The following OPRM1 variants were observed in gnomAD, a reference collection of about 807,000 sequenced individuals.
OPRM1 encodes opioid receptor mu 1.
Under a neutral mutation model 31.8 loss-of-function variants are expected in OPRM1, and 27 were observed. That is an observed-to-expected ratio of 0.85 (90% confidence interval 0.63 to 1.17). The LOEUF is 1.17. Ranked by LOEUF, OPRM1 falls within the 50% of genes most tolerant of loss-of-function variation. OPRM1 has a pLI of 0.00. For synonymous variants in OPRM1, 196 were observed against 189.9 expected (o/e 1.03, Z -0.26); for missense variants, 536 against 511.1 (o/e 1.05, Z -0.47).
chr6:154,017,603 G>C (rs1264562188), intron 1 of OPRM1, among the ~76,000 whole-genome samples: 1 of 152,106 alleles, frequency 6.6e-6, no homozygotes, highest in Non-Finnish European at 1.5e-5. Flanking sequence ...CTGTCTGGCA[G>C]ACAGTCAAGA....
chr6:154,110,307 C>G, intron 3 of OPRM1: 4 of 926,990 alleles, frequency 4.3e-6, no homozygotes, highest in Non-Finnish European at 6.9e-6. Context: ...TAAGAATAAG[C>G]ATTATAATTG....
At chr6:154,237,451 C>T (rs965305626) in intron 3 of OPRM1, among the ~76,000 whole-genome samples, 3 of 152,222 alleles carry the variant, frequency 2.0e-5, no homozygotes, top group African/African-American at 7.2e-5. Flanking sequence ...TTCCTGGTAT[C>T]TGAAAATTCC....
intron 3 of OPRM1, among the ~76,000 whole-genome samples, chr6:154,110,685 G>A (rs953584262): frequency 3.4e-4 from 51 of 151,994 alleles, no homozygotes; most frequent in Admixed American, 3.0e-3. Context: ...TCAGGAAATC[G>A]AGATCATCCT....
intron 3 of OPRM1, among the ~76,000 whole-genome samples, chr6:154,099,612 T>C: frequency 6.7e-6 from 1 of 148,572 alleles, no homozygotes; most frequent in South Asian, 2.1e-4. Flanking sequence ...ATAAAATCTC[T>C]TAAATAAAGA....
At chr6:154,239,581 T>A (rs1696988284) in intron 3 of OPRM1, among the ~76,000 whole-genome samples, 1 of 152,250 alleles carries the variant, frequency 6.6e-6, no homozygotes, top group South Asian at 2.1e-4. Flanking sequence ...ATGTCACGTT[T>A]TGCCCTGTCC....
chr6:154,199,219 A>G (rs1776880449), intron 3 of OPRM1, among the ~76,000 whole-genome samples: 1 of 152,256 alleles, frequency 6.6e-6, no homozygotes, highest in Non-Finnish European at 1.5e-5. Flanking sequence ...TCAGGAGCCG[A>G]CAGGCTAAGA....
intron 1 of OPRM1, among the ~76,000 whole-genome samples, chr6:154,063,173 A>G (rs1784724784): frequency 6.6e-6 from 1 of 152,008 alleles, no homozygotes; most frequent in African/African-American, 2.4e-5. Flanking sequence ...GTCTTTGACA[A>G]TTGTTCTAAA....
intron 3 of OPRM1, among the ~76,000 whole-genome samples, chr6:154,144,212 T>C (rs1465930736): frequency 6.6e-6 from 1 of 152,230 alleles, no homozygotes; most frequent in Non-Finnish European, 1.5e-5. Context: ...CAAGCCCAGA[T>C]AATTTCACTG....
In OPRM1 at chr6:154,108,126, C is replaced by T. The variant is rs114358599; in HGVS notation, c.1165-10557C>T. On this transcript the variant is annotated intron_variant, in intron 3 of 3. Coordinates refer to ENST00000330432, the MANE Select transcript of OPRM1 (RefSeq NM_000914.5). ...GGCCCTAGTGATCCGGCTTGCGGCA[C>T]CATCGCCTACGGGCCAAGCTGCATC... 3.4e-3 allele frequency: 2,014 copies of T among 585,662 alleles called. 31 individuals are homozygous for T. The African/African-American group carries it at 0.035, about 10-fold the overall frequency. The allele number at this position is 585,662 out of a possible 1,614,324, so 36.3% of individuals were successfully genotyped here.
chr6:154,039,417 C>A lies in OPRM1; in HGVS notation c.-128C>A, dbSNP rs1583170538. ...ACGCTCCTCTCTGTCTCAGCCAGGA[C>A]TGGTTTCTGTAAGAAACAGCAGGAG... On this transcript the variant is annotated 5_prime_UTR_variant, in exon 1 of 4. It adds an upstream start codon to the 5' untranslated region. Transcript: ENST00000330432. 1.3e-5 allele frequency: 20 copies of A among 1,550,704 alleles called. No homozygotes were observed. The African/African-American group carries it at 1.4e-4, about 11-fold the overall frequency.
At position 154,100,108 on chromosome 6, in the gene OPRM1, T is replaced by TC. The variant is rs1219821053; in HGVS notation, c.1164+8636_1164+8637insC. Among the ~76,000 whole-genome samples, 47 of 51,420 alleles carry TC rather than the reference T, an allele frequency of 9.1e-4. 4 individuals are homozygous for TC. The highest frequency in any genetic ancestry group is 2.8e-3 in the East Asian group (3 of 1,056). 33.7% of individuals were successfully genotyped at this position (51,420 alleles called of 152,430 possible). A position where few individuals can be genotyped will look rare whatever the true frequency, so the allele number is the denominator to read the frequency against. ...ATATATTATCATATTATGATATATA[T>TC]ATTATATATTATCATATTATGACAT... On this transcript the variant is annotated intron_variant, in intron 3 of 3. Transcript: ENST00000330432.
intron 1 of OPRM1, among the ~76,000 whole-genome samples, chr6:154,051,641 C>T (rs1218473898): frequency 6.6e-6 from 1 of 152,178 alleles, no homozygotes; most frequent in Non-Finnish European, 1.5e-5. Context: ...CATCTCATGC[C>T]AGTCAGAATG....
chr6:154,160,099 A>T (rs1168280953), intron 3 of OPRM1: 1 of 1,266,394 alleles, frequency 7.9e-7, no homozygotes, highest in Non-Finnish European at 1.1e-6. Context: ...ATTTACATAA[A>T]CCATCTTTAC....
chr6:154,150,219 G>A (rs1273829941), intron 3 of OPRM1, among the ~76,000 whole-genome samples: 5 of 152,188 alleles, frequency 3.3e-5, no homozygotes, highest in Admixed American at 2.0e-4. Context: ...CTGGGCTCTT[G>A]CCCAGCATGA....
At chr6:154,064,351 G>T (rs1203592396) in intron 1 of OPRM1, among the ~76,000 whole-genome samples, 1 of 152,050 alleles carries the variant, frequency 6.6e-6, no homozygotes, top group Admixed American at 6.5e-5. Context: ...GTTTTCTGTT[G>T]TTGAGTTTTG....
intron 1 of OPRM1, among the ~76,000 whole-genome samples, chr6:154,033,628 G>C (rs184640381): frequency 1.8e-4 from 27 of 152,264 alleles, no homozygotes; most frequent in African/African-American, 6.5e-4. Context: ...AGTATTGAAG[G>C]CTATAATGCA....
chr6:154,034,166 G>T (rs1779161287), upstream of OPRM1, among the ~76,000 whole-genome samples: 1 of 152,228 alleles, frequency 6.6e-6, no homozygotes, highest in Non-Finnish European at 1.5e-5. Flanking sequence ...AAAGTAGAAT[G>T]CTTGTCCCAA....
At chr6:154,084,900 G>A (rs921417066) in intron 1 of OPRM1, among the ~76,000 whole-genome samples, 2 of 147,356 alleles carry the variant, frequency 1.4e-5, no homozygotes, top group Admixed American at 6.9e-5. Context: ...CAATATGAAG[G>A]CCATGATGTG....
At chr6:154,199,616 A>T in intron 3 of OPRM1, 2 of 1,490,544 alleles carry the variant, frequency 1.3e-6, no homozygotes, top group Non-Finnish European at 1.8e-6. Context: ...ACAGTTCCAT[A>T]TACAAACAAA....
Sources: gnomAD v4.1 joint callset for allele counts (sites outside exome capture counted in the v4.1 genomes callset) on GRCh38, gnomAD v4.1.1 for gene constraint, MANE v1.5 for transcripts, NCBI Gene and HGNC (gene_info 2026-07-23, HGNC 2026-07-21) for gene names.